The following PIKFYVE variants were observed in gnomAD, a reference collection of about 807,000 sequenced individuals.
PIKFYVE encodes phosphoinositide kinase, FYVE-type zinc finger containing, also known as 1-phosphatidylinositol 3-phosphate 5-kinase.
In PIKFYVE, 122 loss-of-function variants were observed where a neutral mutation model predicts 257.9. The ratio of observed to expected loss-of-function variants is 0.47; its 90% CI spans 0.41 to 0.55. The LOEUF is 0.55. Ranked by LOEUF, PIKFYVE falls within the 20% of genes least tolerant of loss-of-function variation. The probability of loss-of-function intolerance (pLI) is 0.00; values close to 1 mark genes in which losing one functional copy is unlikely to be tolerated. For synonymous variants in PIKFYVE, 892 were observed against 868.9 expected, an observed-to-expected ratio of 1.03 and a Z score of -0.47; for missense variants, 2,160 against 2,536.6, an observed-to-expected ratio of 0.85 and a Z score of 3.19.
At chr2:208,305,503 T>C in intron 12 of PIKFYVE, 1 of 877,606 alleles carries the variant, frequency 1.1e-6, no homozygotes. Context: ...TAATGCTTAT[T>C]ATGTATATTC....
At chr2:208,274,929 T>C (rs1180785309) in intron 3 of PIKFYVE, among the ~76,000 whole-genome samples, 2 of 152,140 alleles carry the variant, frequency 1.3e-5, no homozygotes, top group Non-Finnish European at 2.9e-5. Flanking sequence ...ATTTTAGGAG[T>C]TACAAATTGG....
In PIKFYVE at chr2:208,302,291, G is replaced by C. The variant is rs377481685; in HGVS notation, c.1258G>C (p.Asp420His). 4.3e-6 allele frequency: 7 copies of C among 1,614,142 alleles called. No individual in the cohort carries two copies. The highest frequency in any genetic ancestry group is 5.9e-6 in the Non-Finnish European group (7 of 1,179,994). ...AGCAATGGTTGATGGACGTTGGCTGGATTGTGTTAGTCATCACGACCAGCT... is the reference window on the plus strand; with the variant it reads ...AGCAATGGTTGATGGACGTTGGCTGCATTGTGTTAGTCATCACGACCAGCT... ...GQAMVDGRWL[D>H]CVSHHDQLFR... Residue 420 changes from aspartate (D) to histidine (H), a missense_variant, in exon 10 of 42, where the codon GAT becomes CAT. Transcript: ENST00000264380.
intron 12 of PIKFYVE, among the ~76,000 whole-genome samples, chr2:208,308,235 C>T (rs908336581): frequency 4.6e-5 from 7 of 151,788 alleles, no homozygotes; most frequent in Non-Finnish European, 7.4e-5. Flanking sequence ...CCCGTCTCTA[C>T]AAAAAATACA....
intron 5 of PIKFYVE, among the ~76,000 whole-genome samples, chr2:208,283,564 G>A (rs974250581): frequency 6.6e-6 from 1 of 151,974 alleles, no homozygotes; most frequent in African/African-American, 2.4e-5. Flanking sequence ...TCTGCAGGGA[G>A]TAATTTCACT....
chr2:208,343,453 A>T (rs1339757751), intron 32 of PIKFYVE, among the ~76,000 whole-genome samples: 2 of 152,256 alleles, frequency 1.3e-5, no homozygotes, highest in Admixed American at 1.3e-4. Flanking sequence ...TACAGATAGT[A>T]CTGAACCCTA....
chr2:208,303,142 T>C (rs982399125), intron 10 of PIKFYVE, among the ~76,000 whole-genome samples: 4 of 152,060 alleles, frequency 2.6e-5, no homozygotes, highest in Non-Finnish European at 5.9e-5. Context: ...TTTTTTACTT[T>C]AGGGAAGTGG....
At chr2:208,318,140 G>A (rs991851639) in intron 16 of PIKFYVE, among the ~76,000 whole-genome samples, 199 bp downstream of exon 16, 1 of 152,136 alleles carries the variant, frequency 6.6e-6, no homozygotes, top group Non-Finnish European at 1.5e-5. Context: ...TGAATAATGG[G>A]AATTCACCAG....
At chr2:208,341,834 A>G (rs1226788828) in intron 31 of PIKFYVE, among the ~76,000 whole-genome samples, 1 of 152,066 alleles carries the variant, frequency 6.6e-6, no homozygotes, top group Non-Finnish European at 1.5e-5. Flanking sequence ...GGGAGCTGGG[A>G]GGGTAAACAT....
chr2:208,304,421 T>C, intron 11 of PIKFYVE, 103 bp downstream of exon 11: 1 of 1,442,418 alleles, frequency 6.9e-7, no homozygotes, highest in Non-Finnish European at 9.6e-7. Flanking sequence ...TTATAATTTA[T>C]GGCTCCAACT....
chr2:208,267,722 G>T (rs1688840823), intron 1 of PIKFYVE, among the ~76,000 whole-genome samples: 1 of 152,118 alleles, frequency 6.6e-6, no homozygotes, highest in Non-Finnish European at 1.5e-5. Context: ...AGCGAAGCTG[G>T]TTTTGAATTC....
chr2:208,343,524 C>T (rs907445471), intron 32 of PIKFYVE, among the ~76,000 whole-genome samples: 1 of 152,160 alleles, frequency 6.6e-6, no homozygotes, highest in Non-Finnish European at 1.5e-5. Context: ...TATAAATTAG[C>T]CTAGCCACAG....
chr2:208,329,888 A>C lies in PIKFYVE; in HGVS notation c.3766A>C (p.Ile1256Leu). 6.2e-7 allele frequency: 1 copy of C among 1,610,718 alleles called. No homozygotes were observed. Among genetic ancestry groups the C allele is most frequent in the South Asian group, 1.1e-5 (1 of 91,036 alleles). ...FYGKNDLTLG[I>L]FLERYCFRPS... ...TGGAAAGAATGATCTTACATTAGGA[A>C]TATTTTTAGAGAGATACTGTTTCAG... The change falls in exon 22 of 42, where the codon ATA (isoleucine) becomes CTA (leucine). Residue 1256 changes from isoleucine (I) to leucine (L), a missense_variant. Ile to Leu is a conservative substitution (Grantham distance 5, BLOSUM62 2). Coordinates refer to ENST00000264380, the MANE Select transcript of PIKFYVE (RefSeq NM_015040.4).
chr2:208,315,997 G>C (rs1695469979), intron 15 of PIKFYVE, among the ~76,000 whole-genome samples: 1 of 150,042 alleles, frequency 6.7e-6, no homozygotes, highest in Admixed American at 6.6e-5. Flanking sequence ...TTAGCATTAG[G>C]TATATCACCT....
At chr2:208,323,216 C>T (rs972679353) in intron 17 of PIKFYVE, among the ~76,000 whole-genome samples, 13 of 148,930 alleles carry the variant, frequency 8.7e-5, no homozygotes, top group African/African-American at 2.7e-4. Context: ...CCCATTAACT[C>T]GTCATTTAGC....
chr2:208,352,519 T>G, intron 38 of PIKFYVE, 135 bp from the exon 39 acceptor site: 1 of 932,192 alleles, frequency 1.1e-6, no homozygotes, highest in Non-Finnish European at 1.6e-6. Flanking sequence ...TTCAAGAGTT[T>G]GAGTTTTTTT....
chr2:208,320,188 A>G, intron 16 of PIKFYVE, 64 bp from the exon 17 acceptor site: 2 of 1,567,506 alleles, frequency 1.3e-6, no homozygotes, highest in Non-Finnish European at 1.7e-6. Flanking sequence ...TTAAAGTTAT[A>G]ATTAAAGGAG....
intron 15 of PIKFYVE, among the ~76,000 whole-genome samples, chr2:208,316,800 A>G (rs1411763121): frequency 1.3e-5 from 2 of 152,212 alleles, no homozygotes. Flanking sequence ...GATCAATGGA[A>G]CAGAACAGAA....
chr2:208,304,921 T>C lies in PIKFYVE; in HGVS notation c.1544T>C (p.Ile515Thr). 1 of 1,614,158 alleles carries C rather than the reference T, an allele frequency of 6.2e-7. No individual in the cohort carries two copies. The highest frequency in any genetic ancestry group is 8.5e-7 in the Non-Finnish European group (1 of 1,180,024). ...GTGGACAGTGACTCAGCCGCTTCTA[T>C]CAGCCTGAACGTGGAGCTGGACAAC... The part of the protein sequence containing the change: ...STVDSDSAAS[I>T]SLNVELDNVN... Residue 515 changes from isoleucine to threonine, a missense_variant, in exon 12 of 42, where the codon ATC becomes ACC. Physicochemically the swap from Ile to Thr is moderately conservative, Grantham distance 89. Around this residue, in one of 12 missense-constraint regions of PIKFYVE, gnomAD observed 346 missense variants for 365.6 expected, o/e 0.95. Transcript: ENST00000264380.
intron 8 of PIKFYVE, among the ~76,000 whole-genome samples, chr2:208,300,311 G>C (rs777988658): frequency 6.6e-6 from 1 of 152,160 alleles, no homozygotes; most frequent in Non-Finnish European, 1.5e-5. Flanking sequence ...AGATACAGAG[G>C]TAAGAATAAG....
Sources: allele counts gnomAD v4.1 joint callset (sites outside exome capture counted in the v4.1 genomes callset), GRCh38; gene constraint gnomAD v4.1.1; regional missense constraint gnomAD v4.1.1; transcripts MANE v1.5; gene names NCBI Gene and HGNC (gene_info 2026-07-23, HGNC 2026-07-21).